Variants in RTTN observed in about 807,000 individuals in gnomAD.
The protein encoded by RTTN is rotatin.
A neutral mutation model predicts 269.2 loss-of-function variants in RTTN; 182 were observed. The observed-to-expected ratio is 0.68, with a 90% confidence interval of 0.60 to 0.76. RTTN has a LOEUF of 0.76. Ranked by LOEUF, RTTN falls within the 30% of genes least tolerant of loss-of-function variation. The pLI is 0.00. For missense variants in RTTN, 2,545 were observed against 2,608.6 expected (o/e 0.98, Z 0.53); for synonymous variants, 1,006 against 963.5 (o/e 1.04, Z -0.82).
At chr18:70,126,809 T>C (rs897126000) in intron 25 of RTTN, among the ~76,000 whole-genome samples, 2 of 152,120 alleles carry the variant, frequency 1.3e-5, no homozygotes, top group Non-Finnish European at 2.9e-5. Context: ...AAACTAATTT[T>C]TAAAGCTAAA....
At chr18:70,017,751 C>T in intron 45 of RTTN, 77 bp from the exon 46 acceptor site, 1 of 1,164,970 alleles carries the variant, frequency 8.6e-7, no homozygotes, top group East Asian at 2.4e-5. Flanking sequence ...GACCAATTAA[C>T]TAACATTCTG....
At chr18:70,123,120 G>A (rs1295574048) in intron 25 of RTTN, among the ~76,000 whole-genome samples, 1 of 152,066 alleles carries the variant, frequency 6.6e-6, no homozygotes, top group East Asian at 1.9e-4. Flanking sequence ...AAGTGGTTGT[G>A]AGTCAACTGA....
intron 46 of RTTN, among the ~76,000 whole-genome samples, chr18:70,012,163 G>C (rs951086245): frequency 6.6e-6 from 1 of 151,204 alleles, no homozygotes; most frequent in Admixed American, 6.6e-5. Context: ...TCTGCTCACT[G>C]GTATTGGTTA....
chr18:70,053,086 G>A (rs1052885684), intron 38 of RTTN, among the ~76,000 whole-genome samples: 3 of 152,094 alleles, frequency 2.0e-5, no homozygotes, highest in Non-Finnish European at 4.4e-5. Context: ...ATCAACCAAA[G>A]GTCCTCCAGC....
At chr18:70,093,382 T>C (rs138337253) in intron 28 of RTTN, among the ~76,000 whole-genome samples, 2,476 of 152,264 alleles carry the variant, frequency 0.016, 65 homozygotes, top group African/African-American at 0.057. Flanking sequence ...TTTGTGCTGG[T>C]TTTCAAGGGG....
chr18:70,043,898 AGT>A (rs2057415661), intron 40 of RTTN, among the ~76,000 whole-genome samples: 1 of 152,240 alleles, frequency 6.6e-6, no homozygotes, highest in African/African-American at 2.4e-5. Flanking sequence ...CACGACTGGA[AGT>A]GTGAGGAGCC....
chr18:70,045,105 T>C (rs1050534028), intron 40 of RTTN, among the ~76,000 whole-genome samples: 1 of 152,278 alleles, frequency 6.6e-6, no homozygotes, highest in African/African-American at 2.4e-5. Flanking sequence ...AAAATGGACT[T>C]AGAAAAAAAC....
chr18:70,020,764 G>A lies in RTTN; in HGVS notation c.6004C>T (p.His2002Tyr). ...AGAGAGTTGCTCACGGCTCCTCTAT[G>A]TGTAGCTTGAACAGGGTGTTGTCCA... ...SCGQHPVQAT[H>Y]RGAVSNSLML... Residue 2002 changes from histidine (H) to tyrosine (Y), a missense_variant, in exon 45 of 49, where the codon CAT (histidine) becomes TAT (tyrosine). Coordinates refer to ENST00000640769, the MANE Select transcript of RTTN (RefSeq NM_173630.4). The A allele has an allele frequency of 6.2e-7, 1 of 1,614,032 alleles. No individual in the cohort carries two copies. Among genetic ancestry groups the A allele is most frequent in the Admixed American group, 1.7e-5 (1 of 60,016 alleles).
chr18:70,156,716 C>A (rs2060687661), intron 14 of RTTN, among the ~76,000 whole-genome samples: 1 of 152,176 alleles, frequency 6.6e-6, no homozygotes. Context: ...TACTCTGTCC[C>A]TTTATTTCCC....
At chr18:70,170,725 C>G (rs746505745) in intron 11 of RTTN, among the ~76,000 whole-genome samples, 1 of 152,052 alleles carries the variant, frequency 6.6e-6, no homozygotes, top group Non-Finnish European at 1.5e-5. Context: ...CAAAATTGGT[C>G]TGTAGAGAAC....
chr18:70,082,766 C>G (rs892917887), intron 32 of RTTN, among the ~76,000 whole-genome samples: 7 of 152,162 alleles, frequency 4.6e-5, no homozygotes, highest in African/African-American at 1.7e-4. Flanking sequence ...TCATAGCTTA[C>G]TGTGGCCTCA....
intron 10 of RTTN, among the ~76,000 whole-genome samples, chr18:70,182,841 A>G (rs1040092693): frequency 3.9e-5 from 6 of 152,172 alleles, no homozygotes; most frequent in African/African-American, 9.7e-5. Context: ...ATTTAATTCC[A>G]TATTTTCTAA....
At position 70,148,954 on chromosome 18, in the gene RTTN, C is replaced by CG. The variant is rs2060466809; in HGVS notation, c.2255dup (p.Cys753ValfsTer34). The CG allele has an allele frequency of 6.2e-7, 1 of 1,613,458 alleles. No individual in the cohort carries two copies. The highest frequency in any genetic ancestry group is 1.3e-5 in the African/African-American group (1 of 74,878). ...GCATGGACTTTAATCGGGTAGTACA[C>CG]GGAAGCATCTCTTCTGTGTCAGAAC... On this transcript the variant is annotated frameshift_variant, in exon 17 of 49. Coordinates refer to ENST00000640769, the MANE Select transcript of RTTN (RefSeq NM_173630.4). LOFTEE classifies it high-confidence loss of function.
intron 40 of RTTN, among the ~76,000 whole-genome samples, chr18:70,032,206 A>T (rs543095556): frequency 1.3e-5 from 2 of 152,298 alleles, no homozygotes; most frequent in East Asian, 1.9e-4. Flanking sequence ...GGTCTTGCCC[A>T]TGAGATGGGG....
At chr18:70,031,874 GCAC>G (rs2057023875) in intron 40 of RTTN, among the ~76,000 whole-genome samples, 1 of 151,972 alleles carries the variant, frequency 6.6e-6, no homozygotes, top group African/African-American at 2.4e-5. Context: ...GGGCTACCAA[GCAC>G]CACAACTTGT....
rs995530056 is a variant in RTTN, at chr18:70,135,107, T to C, written c.2885+77A>G. On this transcript the variant is annotated intron_variant, in intron 22 of 48. Transcript: ENST00000640769. ...AAGCTTCGTAAATCAGAAATTTCCA[T>C]GCCTTGCTATAAGATTACATCAGAT... The C allele has an allele frequency of 4.3e-5, 34 of 796,824 alleles. No individual in the cohort carries two copies. The Admixed American group carries it at 9.2e-4, about 22-fold the overall frequency. The allele number at this position is 796,824 out of a possible 1,614,324, so 49.4% of individuals were successfully genotyped here.
intron 11 of RTTN, among the ~76,000 whole-genome samples, chr18:70,175,600 T>A (rs2061269894): frequency 6.8e-6 from 1 of 147,130 alleles, no homozygotes. Flanking sequence ...AGAAAGGAAA[T>A]AGTGGGATAC....
intron 7 of RTTN, among the ~76,000 whole-genome samples, chr18:70,195,020 GA>G (rs1302709784): frequency 1.3e-5 from 2 of 151,800 alleles, no homozygotes; most frequent in East Asian, 3.9e-4. Context: ...GAGAGAGGGG[GA>G]AAAAAAACTC....
intron 28 of RTTN, among the ~76,000 whole-genome samples, chr18:70,105,244 A>G (rs1338393046): frequency 1.3e-5 from 2 of 152,210 alleles, no homozygotes; most frequent in Admixed American, 1.3e-4. Context: ...GTTCGATCTC[A>G]GACTGCTGTG....
Sources: allele counts gnomAD v4.1 joint callset (sites outside exome capture counted in the v4.1 genomes callset), GRCh38; gene constraint gnomAD v4.1.1; transcripts MANE v1.5; gene names NCBI Gene and HGNC (gene_info 2026-07-23, HGNC 2026-07-21).